DACH2: variants seen among roughly 807,000 people sequenced by gnomAD.
DACH2 encodes the protein dachshund homolog 2.
Under a neutral mutation model 35.8 loss-of-function variants are expected in DACH2, and 17 were observed. The ratio of observed to expected loss-of-function variants is 0.48; its 90% confidence interval spans 0.33 to 0.71. The LOEUF (loss-of-function observed/expected upper bound fraction) is 0.71. Ranked by LOEUF, DACH2 falls within the 30% of genes least tolerant of loss-of-function variation. The pLI is 0.02. For missense variants in DACH2, 469 were observed against 472.7 expected (o/e 0.99, Z 0.07); for synonymous variants, 195 against 177.3 (o/e 1.10, Z -0.79).
chrX:86,158,099 C>T (rs1254272871), intron 1 of DACH2, among the ~76,000 whole-genome samples: 2 of 111,047 alleles, frequency 1.8e-5, no homozygotes, highest in Non-Finnish European at 1.9e-5. Context: ...TATATGTAGT[C>T]AAAGCCTTGA....
chrX:86,355,528 T>G (rs1236039718), intron 1 of DACH2, among the ~76,000 whole-genome samples: 1 of 111,229 alleles, frequency 9.0e-6, no homozygotes, highest in Non-Finnish European at 1.9e-5. Context: ...CTGTTATTTT[T>G]TCACTTATTT....
intron 2 of DACH2, among the ~76,000 whole-genome samples, chrX:86,412,922 C>T (rs924773344): frequency 5.6e-4 from 62 of 111,201 alleles, no homozygotes; most frequent in Non-Finnish European, 1.3e-4. Context: ...TAAGTGGGCT[C>T]GAGTAATATA....
chrX:86,419,244 A>G (rs1231520923), intron 2 of DACH2, among the ~76,000 whole-genome samples: 3 of 111,801 alleles, frequency 2.7e-5, no homozygotes, highest in African/African-American at 3.3e-5. Context: ...GCATTTTTTC[A>G]GCAACGCCCA....
At chrX:86,657,372 C>A (rs1284758602) in intron 4 of DACH2, among the ~76,000 whole-genome samples, 1 of 110,371 alleles carries the variant, frequency 9.1e-6, no homozygotes, top group Non-Finnish European at 1.9e-5. Context: ...AATATACTTA[C>A]CATGTACCCA....
At chrX:86,675,125 A>C (rs181806257) in intron 4 of DACH2, among the ~76,000 whole-genome samples, 3 of 111,385 alleles carry the variant, frequency 2.7e-5, no homozygotes, top group African/African-American at 9.8e-5. Flanking sequence ...TTGTGTTTAG[A>C]ATTTCACCAC....
In DACH2 at chrX:86,832,359, C is replaced by A; in HGVS notation, c.*204C>A. 5.5e-6 allele frequency: 2 copies of A among 365,668 alleles called. No homozygotes were observed. Among genetic ancestry groups the A allele is most frequent in the Non-Finnish European group, 9.3e-6 (2 of 214,496 alleles). The allele number at this position is 365,668 out of a possible 1,213,427, so 30.1% of individuals were successfully genotyped here. A position where few individuals can be genotyped will look rare whatever the true frequency, so the allele number is the denominator to read the frequency against. ...AAACTTTGTTCTTGCATTAGACTGA[C>A]CAGTTTAAAAATATGAACTAAAACC... On this transcript the variant is annotated 3_prime_UTR_variant, in exon 12 of 12. Transcript: ENST00000373125.
At chrX:86,403,276 A>C (rs1472675497) in intron 2 of DACH2, among the ~76,000 whole-genome samples, 1 of 112,005 alleles carries the variant, frequency 8.9e-6, no homozygotes, top group Non-Finnish European at 1.9e-5. Context: ...AGTATTCACA[A>C]ACTATGCATC....
At chrX:86,437,143 T>C (rs1242241472) in intron 2 of DACH2, among the ~76,000 whole-genome samples, 2 of 111,223 alleles carry the variant, frequency 1.8e-5, no homozygotes, top group African/African-American at 6.5e-5. Context: ...ACTTTGTTGA[T>C]TTCCACACTG....
At chrX:86,825,838 T>C (rs1387037323) in intron 11 of DACH2, among the ~76,000 whole-genome samples, 1 of 112,004 alleles carries the variant, frequency 8.9e-6, no homozygotes, top group East Asian at 2.8e-4. Context: ...ACTGATCTAC[T>C]AGTCAGAATT....
intron 1 of DACH2, among the ~76,000 whole-genome samples, chrX:86,199,845 A>G (rs1203222121): frequency 3.6e-5 from 4 of 112,263 alleles, no homozygotes; most frequent in Admixed American, 1.9e-4. Context: ...AGGAAGAATT[A>G]ATATCATTAC....
rs768022462 is a variant in DACH2, at chrX:86,645,237, T to TA, written c.641-5794dup. 2.4e-4 allele frequency among the ~76,000 whole-genome samples: 27 copies of TA among 110,689 alleles called. No individual in the cohort carries two copies. In the East Asian group the frequency reaches 2.6e-3, roughly 11 times the overall value. ...ATTTACAAGATAAAAACAACCCCTCTAAAAAGTGGGCAAAGGACATGAACA... is the reference window on the plus strand; with the variant it reads ...ATTTACAAGATAAAAACAACCCCTCTAAAAAAGTGGGCAAAGGACATGAACA... On this transcript the variant is annotated intron_variant, in intron 3 of 11. Coordinates refer to ENST00000373125, the MANE Select transcript of DACH2 (RefSeq NM_053281.3).
rs2042448756 is a variant in DACH2 at position 86,816,073 on chromosome X, C to T, written c.1724C>T (p.Thr575Ile). 3 of 1,185,905 alleles carry T rather than the reference C, an allele frequency of 2.5e-6. No homozygotes were observed. Among genetic ancestry groups the T allele is most frequent in the Middle Eastern group, 2.4e-4 (1 of 4,230 alleles). Residue 575 changes from threonine (T) to isoleucine (I), a missense_variant, in exon 11 of 12, where the codon ACT (threonine) becomes ATT (isoleucine). Physicochemically the swap from Thr to Ile is moderately conservative, Grantham distance 89. Coordinates refer to ENST00000373125, the MANE Select transcript of DACH2 (RefSeq NM_053281.3). ...IPDIEIENNG[T>I]PHDSAAMQGG... ...GATATTGAAATAGAAAACAATGGGA[C>T]TCCTCATGATAGTGCTGCTATGCAA...
At chrX:86,459,882 T>TTGTTG (rs10680038) in intron 2 of DACH2, among the ~76,000 whole-genome samples, 1 of 109,614 alleles carries the variant, frequency 9.1e-6, no homozygotes, top group Admixed American at 9.9e-5. Flanking sequence ...ATGATTATTT[T>TTGTTG]TATTATTGAT....
chrX:86,431,163 AG>A (rs981270466), intron 2 of DACH2, among the ~76,000 whole-genome samples: 2 of 111,713 alleles, frequency 1.8e-5, no homozygotes, highest in Non-Finnish European at 3.8e-5. Context: ...AGAGACCAGG[AG>A]CTGCAAAAAG....
chrX:86,785,140 C>T (rs373672853), intron 7 of DACH2, among the ~76,000 whole-genome samples: 4 of 111,045 alleles, frequency 3.6e-5, no homozygotes, highest in African/African-American at 1.3e-4. Flanking sequence ...AAAAGGTTTT[C>T]AAAAACAAAG....
In DACH2 at chrX:86,812,899, C is replaced by A. The variant is rs1249552506; in HGVS notation, c.1284C>A (p.Asp428Glu). Residue 428 changes from aspartate to glutamate, a missense_variant, in exon 8 of 12, where the codon GAC (aspartate) becomes GAA (glutamate). Transcript: ENST00000373125. The stretch of plus-strand genomic sequence containing the variant: ...TTCCAATAATGAAGTCACCCTTGGA[C>A]AAGATACAGCTGACTCCTGGGCAGG... Reference protein sequence around the residue: ...VQIPIMKSPLDKIQLTPGQAL... With the variant: ...VQIPIMKSPLEKIQLTPGQAL... 1 of 1,204,924 alleles carries A rather than the reference C, an allele frequency of 8.3e-7. No individual in the cohort carries two copies. Among genetic ancestry groups the A allele is most frequent in the South Asian group, 1.8e-5 (1 of 55,894 alleles).
intron 1 of DACH2, among the ~76,000 whole-genome samples, chrX:86,183,044 C>T (rs2031550645): frequency 8.9e-6 from 1 of 111,953 alleles, no homozygotes; most frequent in South Asian, 3.7e-4. Context: ...TGAGACTTTG[C>T]TGAAGTTGCT....
chrX:86,216,286 G>A (rs996458659), intron 1 of DACH2, among the ~76,000 whole-genome samples: 1 of 111,402 alleles, frequency 9.0e-6, no homozygotes, highest in African/African-American at 3.3e-5. Context: ...GTATACATGT[G>A]CCATGTTGGT....
At position 86,366,967 on chromosome X, in the gene DACH2, C is replaced by T. The variant is rs184793351; in HGVS notation, c.489-9857C>T. ...CTTTCTTTTATAAATTACCCAGTCT[C>T]GGGTGTTCCTTTATACCAAAGCAAA... On this transcript the variant is annotated intron_variant, in intron 1 of 11. Transcript: ENST00000373125. 3.0e-3 allele frequency among the ~76,000 whole-genome samples: 334 copies of T among 110,517 alleles called. 1 individual carries two copies. The highest frequency in any genetic ancestry group is 0.01 in the African/African-American group (314 of 30,468).
Sources: gnomAD v4.1 joint callset for allele counts (sites outside exome capture counted in the v4.1 genomes callset) on GRCh38, gnomAD v4.1.1 for gene constraint, MANE v1.5 for transcripts, NCBI Gene and HGNC (gene_info 2026-07-23, HGNC 2026-07-21) for gene names.